PIK3CB: variants seen among roughly 807,000 people sequenced by gnomAD.
PIK3CB encodes phosphatidylinositol 4,5-bisphosphate 3-kinase catalytic subunit beta isoform.
PIK3CB carries 39 observed loss-of-function variants against 136.8 expected under a neutral mutation model. The ratio of observed to expected loss-of-function variants is 0.29; its 90% CI spans 0.22 to 0.37. The LOEUF (loss-of-function observed/expected upper bound fraction) is 0.37, where lower values mean the gene tolerates loss of function less well. Among genes scored for constraint, PIK3CB ranks in the 10% least tolerant of loss-of-function variants. PIK3CB has a pLI of 1.00. For missense variants in PIK3CB, 868 were observed against 1,275.4 expected (o/e 0.68, Z 4.87); for synonymous variants, 428 against 436.6 (o/e 0.98, Z 0.25).
chr3:138,834,287 T>C (rs761319281), intron 1 of PIK3CB, among the ~76,000 whole-genome samples: 2 of 152,178 alleles, frequency 1.3e-5, no homozygotes, highest in Non-Finnish European at 2.9e-5. Flanking sequence ...GCCTCTGAAA[T>C]ACACTTCTGC....
intron 1 of PIK3CB, among the ~76,000 whole-genome samples, chr3:138,812,170 T>G (rs1410979767): frequency 6.6e-6 from 1 of 151,772 alleles, no homozygotes; most frequent in African/African-American, 2.4e-5. Context: ...AAAAAACAGA[T>G]TAGTGGTTGC....
intron 2 of PIK3CB, among the ~76,000 whole-genome samples, chr3:138,782,266 C>T (rs929096468): frequency 1.3e-5 from 2 of 152,220 alleles, no homozygotes; most frequent in Non-Finnish European, 2.9e-5. Flanking sequence ...AGCCACAGAG[C>T]TGTGAAGACC....
intron 6 of PIK3CB, among the ~76,000 whole-genome samples, chr3:138,735,791 A>G (rs955109035): frequency 2.6e-5 from 4 of 152,200 alleles, no homozygotes; most frequent in Non-Finnish European, 5.9e-5. Context: ...GATTCAATGT[A>G]TCGTAATTCA....
Position 138,705,001 on chromosome 3 carries a change from C to T in PIK3CB, c.1531-508G>A, listed in dbSNP as rs185042999. Among the ~76,000 whole-genome samples the T allele has an allele frequency of 4.4e-3, 671 of 150,996 alleles. 3 individuals are homozygous for T. Among genetic ancestry groups the T allele is most frequent in the Middle Eastern group, 0.027 (8 of 292 alleles). Reference sequence around the variant, plus strand: ...AGATGGGGTCTATGTTGCCCAAGCTCGCCTTGAACTCCTGGGCTCAGGCAA... The same window carrying T: ...AGATGGGGTCTATGTTGCCCAAGCTTGCCTTGAACTCCTGGGCTCAGGCAA... On this transcript the variant is annotated intron_variant, in intron 11 of 23. Transcript: ENST00000674063.
intron 6 of PIK3CB, among the ~76,000 whole-genome samples, chr3:138,736,134 A>C (rs746186808): frequency 1.3e-5 from 2 of 152,214 alleles, no homozygotes; most frequent in Admixed American, 6.5e-5. Flanking sequence ...AATCTACTTG[A>C]ATGATGGCAG....
chr3:138,681,950 AAAAGACTAGATCTCAC>A lies in PIK3CB; in HGVS notation c.2504+1_2504+16del. 1 of 1,554,348 alleles carries A rather than the reference AAAAGACTAGATCTCAC, an allele frequency of 6.4e-7. No homozygotes were observed. Among genetic ancestry groups the A allele is most frequent in the Non-Finnish European group, 8.7e-7 (1 of 1,146,066 alleles). On this transcript the variant is annotated splice_donor_variant and splice_donor_5th_base_variant and intron_variant, in intron 19 of 23. Transcript: ENST00000674063. LOFTEE classifies it high-confidence loss of function. Reference sequence around the variant, plus strand: ...GGAAGACATTAGACTGAAAAAAAAAAAAAGACTAGATCTCACCGAAGATCCAAACCAGCTTCTTTCC... The same window carrying A: ...GGAAGACATTAGACTGAAAAAAAAAACGAAGATCCAAACCAGCTTCTTTCC...
Position 138,776,522 on chromosome 3 carries a change from CTACAAAAAAA to C in PIK3CB, c.-16-17173_-16-17164del, listed in dbSNP as rs2045860474. Among the ~76,000 whole-genome samples the C allele has an allele frequency of 5.9e-5, 9 of 151,988 alleles. No individual in the cohort carries two copies. In the South Asian group the frequency reaches 1.9e-3, roughly 31 times the overall value. ...TGGGCAACTTGACAAAACCCTGCCT[CTACAAAAAAA>C]TACAAAAAATACAAAAATTAGCTGG... On this transcript the variant is annotated intron_variant, in intron 2 of 23. Transcript: ENST00000674063.
intron 8 of PIK3CB, among the ~76,000 whole-genome samples, chr3:138,729,654 C>A (rs144734347): frequency 1.3e-5 from 2 of 152,130 alleles, no homozygotes; most frequent in East Asian, 3.9e-4. Context: ...GTCAAGCCTA[C>A]CAGCCTTCAG....
chr3:138,654,872 A>G lies in PIK3CB; in HGVS notation c.*517T>C, dbSNP rs950576651. The G allele has an allele frequency of 1.9e-5, 4 of 209,486 alleles. No individual in the cohort carries two copies. Among genetic ancestry groups the G allele is most frequent in the East Asian group, 1.5e-4 (2 of 13,760 alleles). The allele number at this position is 209,486 out of a possible 1,614,324, so 13.0% of individuals were successfully genotyped here. On this transcript the variant is annotated 3_prime_UTR_variant, in exon 24 of 24. Coordinates refer to ENST00000674063, the MANE Select transcript of PIK3CB (RefSeq NM_006219.3). ...TAATGAGTATCCACAGGTTTACAAGATTTCTTCTGGAAAATAATCATAAAT... is the reference window on the plus strand; with the variant it reads ...TAATGAGTATCCACAGGTTTACAAGGTTTCTTCTGGAAAATAATCATAAAT...
At chr3:138,752,510 G>A (rs1158972845) in intron 4 of PIK3CB, among the ~76,000 whole-genome samples, 5 of 152,108 alleles carry the variant, frequency 3.3e-5, no homozygotes, top group Non-Finnish European at 7.4e-5. Context: ...TTAAATAAAT[G>A]TTAACATTTA....
intron 21 of PIK3CB, among the ~76,000 whole-genome samples, chr3:138,661,048 CAACT>C (rs2043286883): frequency 6.6e-6 from 1 of 152,146 alleles, no homozygotes; most frequent in South Asian, 2.1e-4. Context: ...TGATGAGGGT[CAACT>C]ATACATCTGG....
chr3:138,776,598 C>A (rs1273643548), intron 2 of PIK3CB, among the ~76,000 whole-genome samples: 4 of 152,062 alleles, frequency 2.6e-5, no homozygotes, highest in Non-Finnish European at 5.9e-5. Context: ...ACTCAGGAAG[C>A]TGAGGGACGA....
rs551277296 is a variant in PIK3CB, at chr3:138,685,874, C to T, written c.2137-1071G>A. ...ACTTTAGGCTGGGTGTGATGGCTCA[C>T]GTCTGTAATCCCAGCACTTTGGGAA... is the stretch of plus-strand genomic sequence containing the variant. On this transcript the variant is annotated intron_variant, in intron 16 of 23. Coordinates refer to ENST00000674063, the MANE Select transcript of PIK3CB (RefSeq NM_006219.3). 1.7e-4 allele frequency among the ~76,000 whole-genome samples: 26 copies of T among 152,166 alleles called. No individual in the cohort carries two copies. The East Asian group carries it at 3.9e-3, about 23-fold the overall frequency.
At chr3:138,788,988 A>AAAAC (rs2046017381) in intron 2 of PIK3CB, among the ~76,000 whole-genome samples, 1 of 132,948 alleles carries the variant, frequency 7.5e-6, no homozygotes, top group African/African-American at 2.7e-5. Context: ...AAAAAAAAAA[A>AAAAC]AAAACAAAAA....
At chr3:138,786,987 A>G (rs2045987809) in intron 2 of PIK3CB, among the ~76,000 whole-genome samples, 2 of 152,232 alleles carry the variant, frequency 1.3e-5, no homozygotes, top group Admixed American at 1.3e-4. Flanking sequence ...TTTCTGTGTA[A>G]AAGTAAAAAG....
At chr3:138,785,158 C>T (rs1343896228) in intron 2 of PIK3CB, among the ~76,000 whole-genome samples, 8 of 151,008 alleles carry the variant, frequency 5.3e-5, no homozygotes, top group South Asian at 2.1e-4. Flanking sequence ...GGGCAGCCCC[C>T]GCCCGGTCAG....
At chr3:138,812,251 T>G (rs1933103935) in intron 1 of PIK3CB, among the ~76,000 whole-genome samples, 2 of 151,504 alleles carry the variant, frequency 1.3e-5, no homozygotes, top group African/African-American at 4.8e-5. Flanking sequence ...TTTTTTTTTT[T>G]TGGGGGGACA....
At position 138,832,844 on chromosome 3, in the gene PIK3CB, A is replaced by C. The variant is rs568758465; in HGVS notation, c.-122+1851T>G. Among the ~76,000 whole-genome samples the C allele has an allele frequency of 7.8e-3, 1,156 of 148,072 alleles. 26 individuals carry two copies. The highest frequency in any genetic ancestry group is 0.027 in the African/African-American group (1,075 of 40,340). On this transcript the variant is annotated intron_variant, in intron 1 of 23. Transcript: ENST00000674063. ...AAACTCCGTCTCAAAAAAAAAAAAA[A>C]AAAAACAAAATTGAAAGATTGGCCA...
chr3:138,684,561 A>T lies in PIK3CB; in HGVS notation c.2315+64T>A, dbSNP rs940685269. On this transcript the variant is annotated intron_variant, in intron 17 of 23. Coordinates refer to ENST00000674063, the MANE Select transcript of PIK3CB (RefSeq NM_006219.3). ...GCTGACAGCTGGCCCTACTACTCCC[A>T]TAAGGCAGTGACTTTCTGCTTGCTA... 38 of 1,241,082 alleles carry T rather than the reference A, an allele frequency of 3.1e-5. No homozygotes were observed. In the African/African-American group the frequency reaches 5.6e-4, roughly 18 times the overall value. 76.9% of individuals were successfully genotyped at this position (1,241,082 alleles called of 1,614,324 possible). A position where few individuals can be genotyped will look rare whatever the true frequency, so the allele number is the denominator to read the frequency against.
Sources: gnomAD v4.1 joint callset for allele counts (sites outside exome capture counted in the v4.1 genomes callset) on GRCh38, gnomAD v4.1.1 for gene constraint, MANE v1.5 for transcripts, NCBI Gene and HGNC (gene_info 2026-07-23, HGNC 2026-07-21) for gene names.